GNB1: variants seen among roughly 807,000 people sequenced by gnomAD.
GNB1 encodes the protein guanine nucleotide-binding protein G(I)/G(S)/G(T) subunit beta-1.
Under a neutral mutation model 42.9 loss-of-function variants are expected in GNB1, and 2 were observed. The observed-to-expected ratio is 0.05, with a 90% CI of 0.02 to 0.15. GNB1 has a LOEUF of 0.15. Among genes scored for constraint, GNB1 ranks in the 10% least tolerant of loss-of-function variants. GNB1 has a pLI of 1.00. For synonymous variants in GNB1, 183 were observed against 174.7 expected, an observed-to-expected ratio of 1.05 and a Z score of -0.38; for missense variants, 193 against 462.2, an observed-to-expected ratio of 0.42 and a Z score of 5.34.
chr1:1,793,231 G>C lies in GNB1; in HGVS notation c.497+14C>G, dbSNP rs200031852. On this transcript the variant is annotated intron_variant, in intron 8 of 11. Transcript: ENST00000378609. The stretch of plus-strand genomic sequence containing the variant: ...GGTTCTCAAGGCACTGCCTGCCCCG[G>C]GTCAGGTACTTACCACGTGGTGTCT... 6.3e-7 allele frequency: 1 copy of C among 1,594,712 alleles called. No homozygotes were observed. The highest frequency in any genetic ancestry group is 2.2e-5 in the East Asian group (1 of 44,702).
At chr1:1,857,626 GA>G (rs2101609667) in intron 1 of GNB1, among the ~76,000 whole-genome samples, 1 of 152,156 alleles carries the variant, frequency 6.6e-6, no homozygotes, top group Admixed American at 6.6e-5. Flanking sequence ...AAGCAATGAC[GA>G]TATCTTTAAC....
intron 1 of GNB1, among the ~76,000 whole-genome samples, chr1:1,856,468 G>A (rs1382137048): frequency 1.3e-5 from 2 of 150,758 alleles, no homozygotes; most frequent in East Asian, 4.0e-4. Flanking sequence ...TCGCTCTGTC[G>A]CCAGGCTGGA....
At chr1:1,879,392 C>G (rs1469257832) in intron 1 of GNB1, among the ~76,000 whole-genome samples, 1 of 152,180 alleles carries the variant, frequency 6.6e-6, no homozygotes, top group East Asian at 1.9e-4. Context: ...TGTTACCATA[C>G]ATAACATTTT....
chr1:1,833,507 C>A (rs1557912901), intron 2 of GNB1, among the ~76,000 whole-genome samples: 1 of 152,160 alleles, frequency 6.6e-6, no homozygotes, highest in Non-Finnish European at 1.5e-5. Context: ...AGCTGCAGAG[C>A]AACGCATGCG....
rs996277734 is a variant in GNB1, at chr1:1,845,466, A to G, written c.-95-6228T>C. On this transcript the variant is annotated intron_variant, in intron 1 of 11. Coordinates refer to ENST00000378609, the MANE Select transcript of GNB1 (RefSeq NM_002074.5). ...CGGGCGCCTGTAGTCCCAGCTACTC[A>G]GGAGGCTGAGGCAGGAGAATGGCGT... 5.3e-5 allele frequency among the ~76,000 whole-genome samples: 8 copies of G among 152,176 alleles called. No individual in the cohort carries two copies. In the East Asian group the frequency reaches 5.8e-4, roughly 11 times the overall value.
chr1:1,889,050 T>C (rs190677326), intron 1 of GNB1, among the ~76,000 whole-genome samples: 11 of 152,276 alleles, frequency 7.2e-5, no homozygotes, highest in African/African-American at 2.2e-4. Flanking sequence ...TGCATGTCAA[T>C]AGCATGAAAA....
chr1:1,841,141 C>T (rs1327947282), intron 1 of GNB1, among the ~76,000 whole-genome samples: 7 of 152,060 alleles, frequency 4.6e-5, no homozygotes, highest in South Asian at 2.1e-4. Flanking sequence ...CTGCCCACCT[C>T]GGCCTCCCAA....
At chr1:1,858,872 C>T (rs570848182) in intron 1 of GNB1, among the ~76,000 whole-genome samples, 3 of 152,240 alleles carry the variant, frequency 2.0e-5, no homozygotes, top group African/African-American at 7.2e-5. Context: ...AAAAAGCAAG[C>T]TCTGCATGAA....
chr1:1,829,792 G>A (rs1192894656), intron 2 of GNB1, among the ~76,000 whole-genome samples: 1 of 151,972 alleles, frequency 6.6e-6, no homozygotes, highest in Admixed American at 6.6e-5. Flanking sequence ...AGACTAGAGT[G>A]CAGTGGCACA....
intron 1 of GNB1, among the ~76,000 whole-genome samples, chr1:1,858,000 T>C (rs1648400633): frequency 6.6e-6 from 1 of 152,234 alleles, no homozygotes; most frequent in Non-Finnish European, 1.5e-5. Flanking sequence ...CAGGGGCTAC[T>C]GCAATTCTTC....
At position 1,838,543 on chromosome 1, in the gene GNB1, C is replaced by T. The variant is rs145841477; in HGVS notation, c.-47+647G>A. ...CACTGCAAGCTCCGCCTCCTGGGTT[C>T]ACATCATTCTCCTGACTCAGCCTCC... On this transcript the variant is annotated intron_variant, in intron 2 of 11. Coordinates refer to ENST00000378609, the MANE Select transcript of GNB1 (RefSeq NM_002074.5). Among the ~76,000 whole-genome samples, 804 of 151,338 alleles carry T rather than the reference C, an allele frequency of 5.3e-3. 4 individuals are homozygous for T. The highest frequency in any genetic ancestry group is 0.013 in the African/African-American group (549 of 41,238).
At position 1,835,953 on chromosome 1, in the gene GNB1, G is replaced by A. The variant is rs35821049; in HGVS notation, c.-47+3237C>T. On this transcript the variant is annotated intron_variant, in intron 2 of 11. Transcript: ENST00000378609. Reference sequence around the variant, plus strand: ...AAAAAAAAAAAAAAAAGCCAGACATGGTAGTGCGTGCCTATAGTCCCAACT... The same window carrying A: ...AAAAAAAAAAAAAAAAGCCAGACATAGTAGTGCGTGCCTATAGTCCCAACT... Among the ~76,000 whole-genome samples the A allele has an allele frequency of 1.3e-3, 182 of 136,978 alleles. 2 individuals are homozygous for A. The South Asian group carries it at 0.016, about 12-fold the overall frequency. The allele number at this position is 136,978 out of a possible 152,430, so 89.9% of individuals were successfully genotyped here.
In GNB1 at chr1:1,886,879, G is replaced by A. The variant is rs374258592; in HGVS notation, c.-96+3941C>T. ...CAGCACCACGCCCAGCTAATTTTTT[G>A]TAGAGAAGTAATTTTAGTAGAGAAG... is the stretch of plus-strand genomic sequence containing the variant. On this transcript the variant is annotated intron_variant, in intron 1 of 11. Coordinates refer to ENST00000378609, the MANE Select transcript of GNB1 (RefSeq NM_002074.5). Among the ~76,000 whole-genome samples the A allele has an allele frequency of 5.0e-4, 76 of 151,992 alleles. No individual in the cohort carries two copies. The South Asian group carries it at 0.016, about 31-fold the overall frequency.
At chr1:1,871,067 T>C (rs1649220359) in intron 1 of GNB1, among the ~76,000 whole-genome samples, 1 of 152,142 alleles carries the variant, frequency 6.6e-6, no homozygotes, top group Admixed American at 6.6e-5. Flanking sequence ...TCCTCTTCCA[T>C]CTCCTATGTT....
At chr1:1,863,484 C>T (rs188826517) in intron 1 of GNB1, among the ~76,000 whole-genome samples, 2 of 152,340 alleles carry the variant, frequency 1.3e-5, no homozygotes, top group African/African-American at 2.4e-5. Flanking sequence ...ACACCCCAGA[C>T]ATTGCAAAGC....
At chr1:1,809,613 G>A (rs1646748174) in intron 5 of GNB1, among the ~76,000 whole-genome samples, 1 of 152,150 alleles carries the variant, frequency 6.6e-6, no homozygotes, top group South Asian at 2.1e-4. Flanking sequence ...ATCTAAAGCA[G>A]CTCATCCTCC....
At chr1:1,797,356 A>G (rs1324457605) in intron 7 of GNB1, among the ~76,000 whole-genome samples, 4 of 152,214 alleles carry the variant, frequency 2.6e-5, no homozygotes, top group African/African-American at 9.7e-5. Flanking sequence ...ATACTACTGC[A>G]TAACTATTGT....
chr1:1,862,179 G>A (rs151049189), intron 1 of GNB1, among the ~76,000 whole-genome samples: 1,577 of 152,154 alleles, frequency 0.01, 14 homozygotes, highest in Middle Eastern at 0.031. Context: ...CCAAGATTGC[G>A]CCACTGCACT....
chr1:1,789,555 G>C lies in GNB1; in HGVS notation c.700-286C>G, dbSNP rs561153990. ...TAAAAATACAAAATTAGCTGGGCGTGGCGGCGTGCGCCTGTAATCCCAGCT... is the reference window on the plus strand; with the variant it reads ...TAAAAATACAAAATTAGCTGGGCGTCGCGGCGTGCGCCTGTAATCCCAGCT... On this transcript the variant is annotated intron_variant, in intron 9 of 11. Transcript: ENST00000378609. 6.6e-5 allele frequency among the ~76,000 whole-genome samples: 10 copies of C among 152,308 alleles called. No individual in the cohort carries two copies. In the South Asian group the frequency reaches 2.1e-3, roughly 32 times the overall value.
Sources: gnomAD v4.1 joint callset for allele counts (sites outside exome capture counted in the v4.1 genomes callset) on GRCh38, gnomAD v4.1.1 for gene constraint, MANE v1.5 for transcripts, NCBI Gene and HGNC (gene_info 2026-07-23, HGNC 2026-07-21) for gene names.